LARGE1: variants seen among roughly 807,000 people sequenced by gnomAD.
The protein encoded by LARGE1 is xylosyl- and glucuronyltransferase LARGE1.
In LARGE1, 43 loss-of-function variants were observed where a neutral mutation model predicts 87.6. That is an observed-to-expected ratio of 0.49 (90% CI 0.38 to 0.63). The LOEUF is 0.63. Among genes scored for constraint, LARGE1 ranks in the 30% least tolerant of loss-of-function variants. LARGE1 has a pLI of 0.00. For synonymous variants in LARGE1, 434 were observed against 394.6 expected, an observed-to-expected ratio of 1.10 and a Z score of -1.18; for missense variants, 802 against 1,000.2, an observed-to-expected ratio of 0.80 and a Z score of 2.67.
At chr22:33,288,725 T>A (rs2145953699) in intron 12 of LARGE1, among the ~76,000 whole-genome samples, 1 of 152,270 alleles carries the variant, frequency 6.6e-6, no homozygotes, top group South Asian at 2.1e-4. Context: ...CTCCTCATCA[T>A]TCAATGATAC....
intron 14 of LARGE1, among the ~76,000 whole-genome samples, chr22:33,275,028 A>C (rs1473236403): frequency 6.6e-6 from 1 of 152,152 alleles, no homozygotes; most frequent in Non-Finnish European, 1.5e-5. Context: ...TGCTCGATTA[A>C]CTGACATCTG....
intron 1 of LARGE1, among the ~76,000 whole-genome samples, chr22:33,768,204 G>A (rs1275736167): frequency 1.3e-5 from 2 of 152,112 alleles, no homozygotes; most frequent in Non-Finnish European, 2.9e-5. Context: ...AGCTACTCAG[G>A]AGGCTGAGGC....
At chr22:33,092,203 CTCT>C in the LARGE1 span, among the ~76,000 whole-genome samples, 1 of 152,090 alleles carries the variant, frequency 6.6e-6, no homozygotes, top group South Asian at 2.1e-4. Flanking sequence ...TGGCCCTATG[CTCT>C]TCTTCTAAAT....
chr22:33,094,877 C>A, the LARGE1 span, among the ~76,000 whole-genome samples: 13 of 152,332 alleles, frequency 8.5e-5, no homozygotes, highest in Middle Eastern at 3.4e-3. Flanking sequence ...CACCACCACA[C>A]CTGGCTAATT....
chr22:33,790,023 T>C (rs1242496986), intron 1 of LARGE1, among the ~76,000 whole-genome samples: 4 of 152,132 alleles, frequency 2.6e-5, no homozygotes, highest in African/African-American at 4.8e-5. Flanking sequence ...GAGGGCAGAA[T>C]GATATGGTTT....
At chr22:33,394,275 T>C (rs1601688294) in intron 7 of LARGE1, among the ~76,000 whole-genome samples, 1 of 150,592 alleles carries the variant, frequency 6.6e-6, no homozygotes, top group South Asian at 2.1e-4. Flanking sequence ...CTCGGCTCAC[T>C]GCAACCTCTG....
At chr22:33,071,029 A>C in the LARGE1 span, among the ~76,000 whole-genome samples, 3 of 152,328 alleles carry the variant, frequency 2.0e-5, no homozygotes, top group African/African-American at 7.2e-5. Context: ...ATTAAAAAAA[A>C]TAAAAAAAGC....
chr22:33,534,015 A>C (rs1359802821), intron 6 of LARGE1, among the ~76,000 whole-genome samples: 1 of 149,810 alleles, frequency 6.7e-6, no homozygotes, highest in Non-Finnish European at 1.5e-5. Flanking sequence ...TCCAATGTTT[A>C]CTGACTCTTC....
At chr22:33,450,637 A>G (rs2067874931) in intron 6 of LARGE1, among the ~76,000 whole-genome samples, 1 of 66,832 alleles carries the variant, frequency 1.5e-5, no homozygotes, top group African/African-American at 9.0e-5. Context: ...ATAAATAAAT[A>G]AATGGATCTC....
At chr22:33,151,677 C>T in the LARGE1 span, among the ~76,000 whole-genome samples, 1 of 152,138 alleles carries the variant, frequency 6.6e-6, no homozygotes, top group Admixed American at 6.5e-5. Flanking sequence ...TTTTGAATGG[C>T]TTTGTCCATT....
chr22:33,702,553 G>A (rs1334478966), intron 2 of LARGE1, among the ~76,000 whole-genome samples: 2 of 152,154 alleles, frequency 1.3e-5, no homozygotes, highest in African/African-American at 2.4e-5. Context: ...AGGAAAACAC[G>A]GGACCTTGAC....
the LARGE1 span, among the ~76,000 whole-genome samples, chr22:33,071,138 C>T: frequency 6.6e-6 from 1 of 152,224 alleles, no homozygotes; most frequent in South Asian, 2.1e-4. Context: ...ACAAATCCTG[C>T]ATTAAAGAAA....
rs554258133 is a variant in LARGE1 at position 33,411,696 on chromosome 22, G to A, written c.892+20465C>T. Among the ~76,000 whole-genome samples, 8 of 152,122 alleles carry A rather than the reference G, an allele frequency of 5.3e-5. No homozygotes were observed. In the South Asian group the frequency reaches 1.7e-3, roughly 32 times the overall value. The stretch of plus-strand genomic sequence containing the variant: ...ATGGGTAATGAGAATATCTATGTAT[G>A]GTATTGTTTATAATTGAGGGGAAAA... On this transcript the variant is annotated intron_variant, in intron 7 of 14. Coordinates refer to ENST00000397394, the MANE Select transcript of LARGE1 (RefSeq NM_133642.5).
intron 9 of LARGE1, among the ~76,000 whole-genome samples, chr22:33,378,728 T>C (rs1601634471): frequency 6.6e-6 from 1 of 152,200 alleles, no homozygotes; most frequent in South Asian, 2.1e-4. Flanking sequence ...ACAGTGACAC[T>C]ACCTCCTTGA....
At chr22:33,604,191 T>G (rs1454752250) in intron 5 of LARGE1, among the ~76,000 whole-genome samples, 1 of 152,220 alleles carries the variant, frequency 6.6e-6, no homozygotes, top group Non-Finnish European at 1.5e-5. Flanking sequence ...GCCAATGCTC[T>G]CCAGCGTCTC....
At chr22:33,872,104 C>T (rs2064307243) in intron 1 of LARGE1, among the ~76,000 whole-genome samples, 1 of 151,834 alleles carries the variant, frequency 6.6e-6, no homozygotes, top group Non-Finnish European at 1.5e-5. Context: ...AGAGCATGCT[C>T]TGACGTCAAC....
At chr22:33,651,717 G>T (rs527875537) in intron 2 of LARGE1, among the ~76,000 whole-genome samples, 21 of 152,320 alleles carry the variant, frequency 1.4e-4, no homozygotes, top group African/African-American at 5.1e-4. Context: ...AGAAATGCTG[G>T]AAGACTGGAT....
At chr22:33,907,609 G>A (rs2065492364) in intron 1 of LARGE1, among the ~76,000 whole-genome samples, 1 of 150,344 alleles carries the variant, frequency 6.7e-6, no homozygotes. Flanking sequence ...CTGTCACCCA[G>A]GCTGGAGTAG....
chr22:33,599,337 G>A (rs530843672), intron 5 of LARGE1, among the ~76,000 whole-genome samples: 5 of 152,048 alleles, frequency 3.3e-5, no homozygotes, highest in Non-Finnish European at 7.4e-5. Context: ...GTGACAGCAC[G>A]CATCATTGAC....
Sources: allele counts gnomAD v4.1 joint callset (sites outside exome capture counted in the v4.1 genomes callset), GRCh38; gene constraint gnomAD v4.1.1; transcripts MANE v1.5; gene names NCBI Gene and HGNC (gene_info 2026-07-23, HGNC 2026-07-21).